Variants in DIP2B observed in about 807,000 individuals in gnomAD.
DIP2B encodes disco-interacting protein 2 homolog B.
A neutral mutation model predicts 198.0 loss-of-function variants in DIP2B; 76 were observed. The observed-to-expected ratio is 0.38, with a 90% CI of 0.32 to 0.46. The LOEUF (loss-of-function observed/expected upper bound fraction) is 0.46, where lower values mean the gene tolerates loss of function less well. Ranked by LOEUF, DIP2B falls within the 20% of genes least tolerant of loss-of-function variation. DIP2B has a pLI of 0.99. For missense variants in DIP2B, 1,559 were observed against 1,978.4 expected (o/e 0.79, Z 4.02); for synonymous variants, 701 against 739.1 (o/e 0.95, Z 0.84).
chr12:50,627,970 C>A (rs932039523), intron 2 of DIP2B, among the ~76,000 whole-genome samples: 1 of 152,224 alleles, frequency 6.6e-6, no homozygotes, highest in Non-Finnish European at 1.5e-5. Flanking sequence ...CCAACCCCTC[C>A]TCCTTTTCCC....
intron 1 of DIP2B, among the ~76,000 whole-genome samples, chr12:50,621,104 T>C (rs1937803566): frequency 6.6e-6 from 1 of 152,224 alleles, no homozygotes; most frequent in African/African-American, 2.4e-5. Flanking sequence ...AACATTGCTT[T>C]AGTGCAGCAA....
intron 34 of DIP2B, among the ~76,000 whole-genome samples, chr12:50,736,315 G>A (rs1339473313): frequency 5.3e-5 from 8 of 152,190 alleles, no homozygotes; most frequent in Admixed American, 1.3e-4. Context: ...TAAGGGAACC[G>A]TCTCATCTCT....
intron 2 of DIP2B, among the ~76,000 whole-genome samples, chr12:50,628,147 G>T (rs998895258): frequency 6.6e-6 from 1 of 152,114 alleles, no homozygotes; most frequent in Non-Finnish European, 1.5e-5. Context: ...GAGGCGGGTG[G>T]ATCACATGAA....
chr12:50,599,676 G>GATCC (rs983021059), intron 1 of DIP2B, among the ~76,000 whole-genome samples: 1 of 152,184 alleles, frequency 6.6e-6, no homozygotes, highest in African/African-American at 2.4e-5. Context: ...TTCCCCTGAA[G>GATCC]GGATGGTCTG....
intron 5 of DIP2B, 93 bp from the exon 6 acceptor site, chr12:50,674,381 C>G (rs1421983239): frequency 7.1e-7 from 1 of 1,407,160 alleles, no homozygotes; most frequent in Non-Finnish European, 9.8e-7. Context: ...CATTTATGTA[C>G]TTTTCTTCCT....
At position 50,732,319 on chromosome 12, in the gene DIP2B, C is replaced by T. The variant is rs777458788; in HGVS notation, c.3811-47C>T. ...GAACAGTGGCCTTACCTGTTCAGTT[C>T]TTTTATGATCCTACTGACTTGGCTC... is the stretch of plus-strand genomic sequence containing the variant. On this transcript the variant is annotated intron_variant, in intron 31 of 37. Coordinates refer to ENST00000301180, the MANE Select transcript of DIP2B (RefSeq NM_173602.3). 6 of 1,607,138 alleles carry T rather than the reference C, an allele frequency of 3.7e-6. No individual in the cohort carries two copies. In the South Asian group the frequency reaches 6.6e-5, roughly 18 times the overall value.
At chr12:50,575,988 C>T (rs571621783) in intron 1 of DIP2B, among the ~76,000 whole-genome samples, 1 of 152,140 alleles carries the variant, frequency 6.6e-6, no homozygotes, top group East Asian at 1.9e-4. Context: ...AAACTCCTGA[C>T]CTTAGATGAT....
At chr12:50,605,377 T>C (rs895387678) in intron 1 of DIP2B, among the ~76,000 whole-genome samples, 6 of 151,946 alleles carry the variant, frequency 3.9e-5, no homozygotes, top group African/African-American at 1.5e-4. Flanking sequence ...AGGCCAGAAG[T>C]TTGAGACCAG....
chr12:50,595,427 C>G (rs1958870265), intron 1 of DIP2B, among the ~76,000 whole-genome samples: 2 of 152,180 alleles, frequency 1.3e-5, no homozygotes, highest in Admixed American at 1.3e-4. Flanking sequence ...ACTTCAGCCT[C>G]CCTGGGTAGC....
At chr12:50,622,050 C>G (rs1937825121) in intron 1 of DIP2B, among the ~76,000 whole-genome samples, 1 of 152,158 alleles carries the variant, frequency 6.6e-6, no homozygotes, top group African/African-American at 2.4e-5. Context: ...TTTTTAAAGG[C>G]CTTTCACTTT....
intron 1 of DIP2B, among the ~76,000 whole-genome samples, chr12:50,538,921 C>A (rs947527390): frequency 6.6e-6 from 1 of 152,136 alleles, no homozygotes; most frequent in East Asian, 1.9e-4. Context: ...GCTTTCTATG[C>A]TCCTTTTAGG....
At chr12:50,548,229 G>A (rs1416438765) in intron 1 of DIP2B, among the ~76,000 whole-genome samples, 1 of 152,026 alleles carries the variant, frequency 6.6e-6, no homozygotes, top group Non-Finnish European at 1.5e-5. Flanking sequence ...ATAATTATGA[G>A]TGATACTTTT....
chr12:50,618,150 T>C (rs985812255), intron 1 of DIP2B, among the ~76,000 whole-genome samples: 1 of 152,224 alleles, frequency 6.6e-6, no homozygotes, highest in Admixed American at 6.5e-5. Context: ...ATCAAATGAA[T>C]TGATGTCAGA....
At position 50,723,284 on chromosome 12, in the gene DIP2B, C is replaced by T. The variant is rs1939875465; in HGVS notation, c.3249C>T (p.Asn1083=). The T allele has an allele frequency of 6.2e-7, 1 of 1,614,184 alleles. No individual in the cohort carries two copies. Among genetic ancestry groups the T allele is most frequent in the Non-Finnish European group, 8.5e-7 (1 of 1,180,046 alleles). ...PVTVRPPHAQ[N]LTATLPTVRM... ...CCGTCAGACCTCCACATGCTCAGAA[C>T]CTCACGGCCACGCTGCCCACTGTCC... Residue 1083 remains asparagine (N), a synonymous_variant, in exon 27 of 38, where the codon AAC becomes AAT. Coordinates refer to ENST00000301180, the MANE Select transcript of DIP2B (RefSeq NM_173602.3).
At chr12:50,630,353 T>A (rs1396294242) in intron 2 of DIP2B, among the ~76,000 whole-genome samples, 2 of 152,140 alleles carry the variant, frequency 1.3e-5, no homozygotes, top group African/African-American at 4.8e-5. Flanking sequence ...TCCCCTTCCC[T>A]CTTGTCTTTC....
chr12:50,748,373 C>T lies in DIP2B; in HGVS notation c.*3534C>T. The T allele has an allele frequency of 6.5e-6, 1 of 152,712 alleles. No individual in the cohort carries two copies. Among genetic ancestry groups the T allele is most frequent in the South Asian group, 2.1e-4 (1 of 4,828 alleles). The allele number at this position is 152,712 out of a possible 1,614,324, so 9.5% of individuals were successfully genotyped here. A position where few individuals can be genotyped will look rare whatever the true frequency, so the allele number is the denominator to read the frequency against. On this transcript the variant is annotated 3_prime_UTR_variant, in exon 38 of 38. Coordinates refer to ENST00000301180, the MANE Select transcript of DIP2B (RefSeq NM_173602.3). ...TTTCTTTATCATTCATACGACATTT[C>T]TGGTTTAGGTGTATGTAGTTGGGCC...
At chr12:50,610,804 C>CA (rs1959025113) in intron 1 of DIP2B, among the ~76,000 whole-genome samples, 1 of 142,316 alleles carries the variant, frequency 7.0e-6, no homozygotes, top group Non-Finnish European at 1.6e-5. Context: ...CTGTGCCCAA[C>CA]CTTTTTTTTT....
chr12:50,544,968 G>A (rs556714481), intron 1 of DIP2B, among the ~76,000 whole-genome samples: 1 of 152,232 alleles, frequency 6.6e-6, no homozygotes, highest in Non-Finnish European at 1.5e-5. Context: ...TCTTATGACT[G>A]TAATACTAGC....
At chr12:50,695,388 A>G in intron 15 of DIP2B, 28 bp downstream of exon 15, 2 of 1,573,796 alleles carry the variant, frequency 1.3e-6, no homozygotes, top group South Asian at 2.2e-5. Flanking sequence ...CTGAGCTTTA[A>G]TTATGTGACT....
Sources: allele counts gnomAD v4.1 joint callset (sites outside exome capture counted in the v4.1 genomes callset), GRCh38; gene constraint gnomAD v4.1.1; transcripts MANE v1.5; gene names NCBI Gene and HGNC (gene_info 2026-07-23, HGNC 2026-07-21).